The following MPDZ variants were observed in gnomAD, a reference collection of about 807,000 sequenced individuals.
MPDZ encodes multiple PDZ domain crumbs cell polarity complex component.
Under a neutral mutation model 239.1 loss-of-function variants are expected in MPDZ, and 234 were observed. The observed-to-expected ratio is 0.98, with a 90% CI of 0.88 to 1.09. MPDZ has a LOEUF of 1.09. Among genes scored for constraint, MPDZ ranks in the 50% least tolerant of loss-of-function variants. The probability of loss-of-function intolerance (pLI) is 0.00; values close to 1 mark genes in which losing one functional copy is unlikely to be tolerated. For synonymous variants in MPDZ, 1,048 were observed against 881.3 expected (o/e 1.19, Z -3.35); for missense variants, 3,175 against 2,510.0 (o/e 1.26, Z -5.66).
chr9:13,133,642 C>A lies in MPDZ; in HGVS notation c.4464+182G>T, dbSNP rs115073321. On this transcript the variant is annotated intron_variant, in intron 32 of 46. Transcript: ENST00000319217. ...CTAATAAAACACAAACTTCTCGGCC[C>A]AACCCTAGAGTTTCTCATTAAGCAG... Among the ~76,000 whole-genome samples the A allele has an allele frequency of 7.4e-3, 1,121 of 152,248 alleles. 16 individuals carry two copies. The highest frequency in any genetic ancestry group is 0.025 in the African/African-American group (1,034 of 41,536).
At chr9:13,196,045 G>T (rs1008484256) in intron 13 of MPDZ, 76 bp downstream of exon 13, 2 of 882,374 alleles carry the variant, frequency 2.3e-6, no homozygotes, top group Non-Finnish European at 3.5e-6. Context: ...TCTAATGATT[G>T]CCTCTATTAT....
intron 3 of MPDZ, among the ~76,000 whole-genome samples, chr9:13,244,604 C>T (rs1394696866): frequency 6.6e-6 from 1 of 152,148 alleles, no homozygotes. Flanking sequence ...ATATTTTTGA[C>T]AATATTTAAA....
At chr9:13,202,161 T>C (rs568677103) in intron 12 of MPDZ, among the ~76,000 whole-genome samples, 1 of 152,312 alleles carries the variant, frequency 6.6e-6, no homozygotes. Flanking sequence ...GTTGTTTTTT[T>C]CCCATTCTGG....
At chr9:13,187,033 G>A (rs1044979757) in intron 17 of MPDZ, among the ~76,000 whole-genome samples, 5 of 152,050 alleles carry the variant, frequency 3.3e-5, no homozygotes, top group Admixed American at 6.6e-5. Flanking sequence ...TGACAGAAAA[G>A]CTAACATATT....
Position 13,221,508 on chromosome 9 carries a change from C to T in MPDZ, c.748-8G>A. ...CATGTGTTGCCAGTGAACCTACAAA[C>T]AAAGCTCATATATGAATTTGTAGAA... is the stretch of plus-strand genomic sequence containing the variant. On this transcript the variant is annotated splice_region_variant and splice_polypyrimidine_tract_variant and intron_variant, in intron 6 of 46. Coordinates refer to ENST00000319217, the MANE Select transcript of MPDZ (RefSeq NM_001378778.1). 1.2e-6 allele frequency: 2 copies of T among 1,607,606 alleles called. No homozygotes were observed. Among genetic ancestry groups the T allele is most frequent in the East Asian group, 4.5e-5 (2 of 44,618 alleles).
Position 13,238,219 on chromosome 9 carries a change from G to C in MPDZ, c.183+9416C>G, listed in dbSNP as rs138714199. Among the ~76,000 whole-genome samples, 530 of 152,300 alleles carry C rather than the reference G, an allele frequency of 3.5e-3. 6 individuals carry two copies. The highest frequency in any genetic ancestry group is 0.012 in the African/African-American group (490 of 41,562). On this transcript the variant is annotated intron_variant, in intron 3 of 46. Coordinates refer to ENST00000319217, the MANE Select transcript of MPDZ (RefSeq NM_001378778.1). ...GTGCCCACTGGACTATACTACCTGGGACTAGGCATGTTCAAAATGGTGGCT... is the reference window on the plus strand; with the variant it reads ...GTGCCCACTGGACTATACTACCTGGCACTAGGCATGTTCAAAATGGTGGCT...
intron 12 of MPDZ, among the ~76,000 whole-genome samples, chr9:13,204,186 A>G (rs749950058): frequency 6.6e-6 from 1 of 152,192 alleles, no homozygotes; most frequent in Non-Finnish European, 1.5e-5. Context: ...TATTCTGTTC[A>G]GTGAGTTTAA....
intron 1 of MPDZ, among the ~76,000 whole-genome samples, chr9:13,250,794 C>T (rs971723758): frequency 9.2e-5 from 14 of 152,064 alleles, no homozygotes; most frequent in Non-Finnish European, 1.8e-4. Context: ...CTCAAAGGCT[C>T]ACACTCCTAA....
chr9:13,217,320 G>T, intron 8 of MPDZ, 26 bp from the exon 9 acceptor site: 1 of 1,378,310 alleles, frequency 7.3e-7, no homozygotes, highest in South Asian at 1.3e-5. Context: ...TAAATATACA[G>T]TGAAATAATA....
chr9:13,114,516 T>G (rs1227429153), intron 40 of MPDZ, among the ~76,000 whole-genome samples: 1 of 152,200 alleles, frequency 6.6e-6, no homozygotes, highest in Non-Finnish European at 1.5e-5. Context: ...TAACATCATA[T>G]TTTTATACAT....
chr9:13,155,087 C>T (rs752056299), intron 24 of MPDZ, among the ~76,000 whole-genome samples: 4 of 149,784 alleles, frequency 2.7e-5, no homozygotes, highest in African/African-American at 7.4e-5. Context: ...CATGGTGGTG[C>T]GCACCTGTAG....
rs369289528 is a variant in MPDZ, at chr9:13,121,906, G to C, written c.5064C>G (p.Ala1688=). 1.8e-5 allele frequency: 29 copies of C among 1,613,466 alleles called. No homozygotes were observed. In the African/African-American group the frequency reaches 3.7e-4, roughly 21 times the overall value. Residue 1688 remains alanine (A), a synonymous_variant, in exon 38 of 47, where the codon GCC becomes GCG. Coordinates refer to ENST00000319217, the MANE Select transcript of MPDZ (RefSeq NM_001378778.1). ...GGACATTGATTGCTTCATCATGTGT[G>C]GCCTTTCTCAAGTCAATTCCATTCA... is the stretch of plus-strand genomic sequence containing the variant. ...LEVNGIDLRK[A]THDEAINVLR...
intron 30 of MPDZ, 29 bp downstream of exon 30, chr9:13,136,683 T>G (rs994646109): frequency 7.4e-7 from 1 of 1,353,012 alleles, no homozygotes; most frequent in African/African-American, 1.4e-5. Flanking sequence ...CAAAAAGTAT[T>G]TGGTAAACTA....
In MPDZ at chr9:13,133,916, A is replaced by G. The variant is rs779468130; in HGVS notation, c.4384-12T>C. Reference sequence around the variant, plus strand: ...ACAGTTGGCTCTGTCTGACAGAGGGAAAGAAATGACAAAAAGAGCAACTGA... The same window carrying G: ...ACAGTTGGCTCTGTCTGACAGAGGGGAAGAAATGACAAAAAGAGCAACTGA... On this transcript the variant is annotated splice_polypyrimidine_tract_variant and intron_variant, in intron 31 of 46. Transcript: ENST00000319217. The G allele has an allele frequency of 5.4e-6, 8 of 1,476,746 alleles. No individual in the cohort carries two copies. Among genetic ancestry groups the G allele is most frequent in the Non-Finnish European group, 7.3e-6 (8 of 1,100,836 alleles). 91.5% of individuals were successfully genotyped at this position (1,476,746 alleles called of 1,614,324 possible). A position where few individuals can be genotyped will look rare whatever the true frequency, so the allele number is the denominator to read the frequency against.
At chr9:13,223,480 C>G (rs1959463816) in intron 5 of MPDZ, 91 bp downstream of exon 5, 2 of 1,388,010 alleles carry the variant, frequency 1.4e-6, no homozygotes, top group African/African-American at 2.9e-5. Flanking sequence ...TTTTTGTTGC[C>G]ATTCATTATT....
At chr9:13,134,816 GCTA>G (rs1173365008) in intron 31 of MPDZ, 2 of 152,160 alleles carry the variant, frequency 1.3e-5, no homozygotes, top group Non-Finnish European at 2.9e-5. Flanking sequence ...CTGGATTCTT[GCTA>G]CATGGCAGCA....
intron 21 of MPDZ, among the ~76,000 whole-genome samples, chr9:13,174,639 G>C (rs939137034): frequency 6.6e-6 from 1 of 152,110 alleles, no homozygotes; most frequent in African/African-American, 2.4e-5. Flanking sequence ...CTAGTATTTT[G>C]AGTAACATGG....
At position 13,215,759 on chromosome 9, in the gene MPDZ, T is replaced by TG. The variant is rs1554703431; in HGVS notation, c.1290+1014_1290+1015insC. Among the ~76,000 whole-genome samples, 328 of 135,112 alleles carry TG rather than the reference T, an allele frequency of 2.4e-3. 4 individuals are homozygous for TG. The highest frequency in any genetic ancestry group is 8.5e-3 in the African/African-American group (311 of 36,672). 88.6% of individuals were successfully genotyped at this position (135,112 alleles called of 152,430 possible). ...ACAGGTTTCTCTATTGCAGGTTTTT[T>TG]TTTTTTTTTTTTTTTGTCTTTTTTT... is the stretch of plus-strand genomic sequence containing the variant. On this transcript the variant is annotated intron_variant, in intron 10 of 46. Transcript: ENST00000319217.
intron 3 of MPDZ, among the ~76,000 whole-genome samples, chr9:13,244,376 G>A (rs932687033): frequency 7.9e-5 from 12 of 152,240 alleles, no homozygotes; most frequent in Admixed American, 7.2e-4. Flanking sequence ...GTGACAGTGA[G>A]GACACTACTT....
Sources: allele counts gnomAD v4.1 joint callset (sites outside exome capture counted in the v4.1 genomes callset), GRCh38; gene constraint gnomAD v4.1.1; transcripts MANE v1.5; gene names NCBI Gene and HGNC (gene_info 2026-07-23, HGNC 2026-07-21).